The following LAMB4 variants were observed in gnomAD, a reference collection of about 807,000 sequenced individuals.
LAMB4 encodes laminin subunit beta 4, also known as laminin subunit beta-4.
In LAMB4, 196 loss-of-function variants were observed where a neutral mutation model predicts 199.2. The observed-to-expected ratio is 0.98, with a 90% confidence interval of 0.88 to 1.11. The LOEUF (loss-of-function observed/expected upper bound fraction) is 1.11, where lower values mean the gene tolerates loss of function less well. LAMB4 is among the 50% of genes least tolerant of loss of function. The pLI is 0.00. For synonymous variants in LAMB4, 744 were observed against 770.6 expected (o/e 0.97, Z 0.57); for missense variants, 2,080 against 2,171.2 (o/e 0.96, Z 0.83).
At chr7:108,105,785 C>T (rs2037982370) in intron 8 of LAMB4, 32 bp downstream of exon 8, 1 of 1,587,352 alleles carries the variant, frequency 6.3e-7, no homozygotes, top group African/African-American at 1.3e-5. Context: ...GCAGGTAGGA[C>T]AGCCCACTGT....
intron 14 of LAMB4, among the ~76,000 whole-genome samples, chr7:108,088,146 T>C (rs1181987701): frequency 6.6e-6 from 1 of 151,134 alleles, no homozygotes; most frequent in Non-Finnish European, 1.5e-5. Flanking sequence ...TCACATTCCA[T>C]GCAAAGCTGT....
At chr7:108,024,714 G>GATCCATCCATCC (rs772231270) in intron 33 of LAMB4, among the ~76,000 whole-genome samples, 13,565 of 151,166 alleles carry the variant, frequency 0.09, 986 homozygotes, top group African/African-American at 0.2. Flanking sequence ...TCGATCCATT[G>GATCCATCCATCC]ATCCATCCAT....
At chr7:108,056,042 C>A in intron 24 of LAMB4, 35 bp from the exon 25 acceptor site, 3 of 1,557,100 alleles carry the variant, frequency 1.9e-6, no homozygotes, top group Non-Finnish European at 2.6e-6. Context: ...GAGAATGTCA[C>A]TGGGCCTTTT....
intron 2 of LAMB4, 28 bp from the exon 3 acceptor site, chr7:108,116,189 G>A (rs372015761): frequency 3.4e-5 from 55 of 1,602,432 alleles, no homozygotes; most frequent in African/African-American, 2.3e-4. Flanking sequence ...TAGCTTACAC[G>A]GAAGGCAGTC....
intron 19 of LAMB4, among the ~76,000 whole-genome samples, chr7:108,067,708 G>T (rs139050567): frequency 1.8e-4 from 27 of 152,258 alleles, no homozygotes; most frequent in Middle Eastern, 3.4e-3. Flanking sequence ...TCCCTTCATG[G>T]TGTTCCACGT....
At chr7:108,097,237 G>C (rs1184192429) in intron 11 of LAMB4, among the ~76,000 whole-genome samples, 1 of 152,142 alleles carries the variant, frequency 6.6e-6, no homozygotes, top group Non-Finnish European at 1.5e-5. Context: ...TATGGAGCAG[G>C]AGGCTGTGAC....
intron 14 of LAMB4, among the ~76,000 whole-genome samples, chr7:108,081,196 T>G (rs970740676): frequency 3.9e-5 from 6 of 152,204 alleles, no homozygotes; most frequent in African/African-American, 9.6e-5. Context: ...AGCTGTTTGG[T>G]GCACCCATCC....
intron 29 of LAMB4, among the ~76,000 whole-genome samples, chr7:108,038,530 T>C (rs553590321): frequency 6.6e-6 from 1 of 152,270 alleles, no homozygotes; most frequent in Non-Finnish European, 1.5e-5. Context: ...AGAACTAAAG[T>C]GTAAGATGAA....
intron 1 of LAMB4, among the ~76,000 whole-genome samples, chr7:108,127,189 G>GTTTTTTTTTTTT (rs758228106): frequency 2.9e-5 from 2 of 69,072 alleles, no homozygotes; most frequent in African/African-American, 3.2e-5. Flanking sequence ...TTTTTTTTGT[G>GTTTTTTTTTTTT]TTTTTTTTTT....
intron 17 of LAMB4, among the ~76,000 whole-genome samples, 192 bp from the exon 18 acceptor site, chr7:108,070,077 G>A (rs2036480678): frequency 6.6e-6 from 1 of 151,850 alleles, no homozygotes; most frequent in Non-Finnish European, 1.5e-5. Context: ...TTATATTTCT[G>A]GACTTGTGGC....
chr7:108,036,574 C>G (rs561570452), intron 30 of LAMB4, among the ~76,000 whole-genome samples: 2 of 152,186 alleles, frequency 1.3e-5, no homozygotes, highest in South Asian at 4.2e-4. Context: ...TTGGATGAAT[C>G]TGGTGCACTT....
At chr7:108,057,742 A>G in intron 24 of LAMB4, 90 bp downstream of exon 24, 1 of 793,882 alleles carries the variant, frequency 1.3e-6, no homozygotes, top group African/African-American at 1.7e-5. Flanking sequence ...GCACCAAAAA[A>G]AGAAATTTAA....
At chr7:108,025,531 C>CCCAGGCAG (rs1220387436) in intron 33 of LAMB4, among the ~76,000 whole-genome samples, 2 of 151,582 alleles carry the variant, frequency 1.3e-5, no homozygotes, top group Non-Finnish European at 1.5e-5. Flanking sequence ...TGGGTTCAAG[C>CCCAGGCAG]GATTCTCCTG....
At chr7:108,130,051 G>A (rs2038926024) in intron 1 of LAMB4, among the ~76,000 whole-genome samples, 1 of 152,164 alleles carries the variant, frequency 6.6e-6, no homozygotes, top group Non-Finnish European at 1.5e-5. Flanking sequence ...TCCCTTCAAG[G>A]TACAGTAAGG....
At chr7:108,061,069 T>C (rs2150544632) in intron 23 of LAMB4, among the ~76,000 whole-genome samples, 1 of 152,346 alleles carries the variant, frequency 6.6e-6, no homozygotes, top group South Asian at 2.1e-4. Context: ...TTGACTTCTC[T>C]GGTGTTTTCG....
intron 24 of LAMB4, 92 bp downstream of exon 24, chr7:108,057,740 A>G (rs910798700): frequency 2.5e-6 from 2 of 786,858 alleles, no homozygotes; most frequent in Admixed American, 4.6e-5. Context: ...AAGCACCAAA[A>G]AAAGAAATTT....
chr7:108,035,615 A>G (rs1485717645), intron 30 of LAMB4, among the ~76,000 whole-genome samples: 1 of 150,828 alleles, frequency 6.6e-6, no homozygotes, highest in Non-Finnish European at 1.5e-5. Flanking sequence ...AAAAAAAAAA[A>G]AAAAAAAGAA....
chr7:108,082,378 T>G (rs1008115791), intron 14 of LAMB4, among the ~76,000 whole-genome samples: 1 of 150,180 alleles, frequency 6.7e-6, no homozygotes, highest in African/African-American at 2.4e-5. Flanking sequence ...GAGAAGAGCC[T>G]GAATTACCAG....
At position 108,114,626 on chromosome 7, in the gene LAMB4, T is replaced by C. The variant is rs552870324; in HGVS notation, c.192+1378A>G. Among the ~76,000 whole-genome samples the C allele has an allele frequency of 5.3e-5, 8 of 152,360 alleles. No homozygotes were observed. The East Asian group carries it at 1.4e-3, about 26-fold the overall frequency. On this transcript the variant is annotated intron_variant, in intron 3 of 33. Transcript: ENST00000388781. ...AAGTATTGTCTCCACTTATTTATAA[T>C]AGTCACCTTTTACTAGAAACCAATT... is the stretch of plus-strand genomic sequence containing the variant.
Sources: gnomAD v4.1 joint callset for allele counts (sites outside exome capture counted in the v4.1 genomes callset) on GRCh38, gnomAD v4.1.1 for gene constraint, MANE v1.5 for transcripts, NCBI Gene and HGNC (gene_info 2026-07-23, HGNC 2026-07-21) for gene names.